RECK: variants seen among roughly 807,000 people sequenced by gnomAD.
RECK encodes the protein reversion inducing cysteine rich protein with kazal motifs.
RECK carries 69 observed loss-of-function variants against 115.1 expected under a neutral mutation model. The observed-to-expected ratio is 0.60, with a 90% CI of 0.49 to 0.73. The LOEUF (loss-of-function observed/expected upper bound fraction) is 0.73. RECK is among the 30% of genes least tolerant of loss of function. The pLI, the probability that RECK is intolerant of heterozygous loss-of-function variation, is 0.00. For missense variants in RECK, 1,047 were observed against 1,203.7 expected, an observed-to-expected ratio of 0.87 and a Z score of 1.93; for synonymous variants, 414 against 419.7, an observed-to-expected ratio of 0.99 and a Z score of 0.17.
rs1249820681 is a variant in RECK, at chr9:36,123,204, A to G, written c.*159A>G. On this transcript the variant is annotated 3_prime_UTR_variant, in exon 21 of 21. Coordinates refer to ENST00000377966, the MANE Select transcript of RECK (RefSeq NM_021111.3). ...TTTTTTTTAATCCGCCAATATTAGT[A>G]GGATTTTTGTTTTGTTTTTACAAAT... 6 of 566,980 alleles carry G rather than the reference A, an allele frequency of 1.1e-5. No homozygotes were observed. The highest frequency in any genetic ancestry group is 1.9e-5 in the Non-Finnish European group (6 of 323,630). The allele number at this position is 566,980 out of a possible 1,614,324, so 35.1% of individuals were successfully genotyped here.
intron 1 of RECK, among the ~76,000 whole-genome samples, chr9:36,050,118 A>G (rs545349425): frequency 1.3e-5 from 2 of 152,172 alleles, no homozygotes; most frequent in Non-Finnish European, 2.9e-5. Flanking sequence ...TCATCTACAT[A>G]GTGTGTCTCC....
rs572869066 is a variant in RECK, at chr9:36,106,234, A to G, written c.1576+951A>G. Among the ~76,000 whole-genome samples, 66 of 150,752 alleles carry G rather than the reference A, an allele frequency of 4.4e-4. 2 individuals are homozygous for G. The South Asian group carries it at 0.013, about 29-fold the overall frequency. ...CAAAAAAAAAAAAAAAAGATTAAAA[A>G]AAAACGTTTTTTTTTTTGAGACGGG... is the stretch of plus-strand genomic sequence containing the variant. On this transcript the variant is annotated intron_variant, in intron 13 of 20. Transcript: ENST00000377966.
chr9:36,054,196 G>C (rs891005879), intron 2 of RECK, among the ~76,000 whole-genome samples: 4 of 152,152 alleles, frequency 2.6e-5, no homozygotes, highest in African/African-American at 7.2e-5. Flanking sequence ...ATGCAGACAG[G>C]ATGGAGTCTT....
At position 36,092,346 on chromosome 9, in the gene RECK, G is replaced by C. The variant is rs555391618; in HGVS notation, c.1085+1003G>C. Among the ~76,000 whole-genome samples the C allele has an allele frequency of 2.0e-5, 3 of 152,004 alleles. No individual in the cohort carries two copies. In the South Asian group the frequency reaches 6.2e-4, roughly 32 times the overall value. ...AATTGTTTTGAAGGTATTGGAGACT[G>C]ATCAAAAGCAGGAGGGTCTACATCT... On this transcript the variant is annotated intron_variant, in intron 10 of 20. Coordinates refer to ENST00000377966, the MANE Select transcript of RECK (RefSeq NM_021111.3).
intron 7 of RECK, among the ~76,000 whole-genome samples, chr9:36,082,808 T>C (rs1822780628): frequency 6.6e-6 from 1 of 152,234 alleles, no homozygotes; most frequent in Non-Finnish European, 1.5e-5. Context: ...TATACAGTTA[T>C]ATAAATGTCA....
intron 8 of RECK, chr9:36,086,179 A>G (rs1322493664): frequency 6.6e-6 from 1 of 152,254 alleles, no homozygotes; most frequent in Non-Finnish European, 1.5e-5. Context: ...AGGCAGAGCC[A>G]AACTGATATC....
rs1471216106 is a variant in RECK, at chr9:36,094,264, G to A, written c.1085+2921G>A. 1.3e-5 allele frequency among the ~76,000 whole-genome samples: 2 copies of A among 151,606 alleles called. No homozygotes were observed. Among genetic ancestry groups the A allele is most frequent in the African/African-American group, 4.8e-5 (2 of 41,284 alleles). On this transcript the variant is annotated intron_variant, in intron 10 of 20. Coordinates refer to ENST00000377966, the MANE Select transcript of RECK (RefSeq NM_021111.3). The surrounding 1 kb of genome is among the most constrained non-coding windows in gnomAD (Gnocchi z 4.1). ...TGGTTAAAGCAAAAATAATAACAAT[G>A]TATTGTGGAATTTATACATAGAAGT...
At position 36,105,259 on chromosome 9, in the gene RECK, T is replaced by C. The variant is rs1439927180; in HGVS notation, c.1552T>C (p.Cys518Arg). The C allele has an allele frequency of 3.1e-6, 5 of 1,614,018 alleles. No individual in the cohort carries two copies. Among genetic ancestry groups the C allele is most frequent in the Non-Finnish European group, 4.2e-6 (5 of 1,179,992 alleles). ...AAAAGGATGTCCATCTGGAGATCCC[T>C]GTCTTCCATACTTTTGTGTTCAAGG... ...NRKGCPSGDP[C>R]LPYFCVQGCK... Residue 518 changes from cysteine to arginine, a missense_variant, in exon 13 of 21, where the codon TGT becomes CGT. Transcript: ENST00000377966.
intron 14 of RECK, among the ~76,000 whole-genome samples, chr9:36,109,330 C>A (rs559863242): frequency 6.6e-6 from 1 of 152,220 alleles, no homozygotes; most frequent in African/African-American, 2.4e-5. Context: ...GCATTCCTGC[C>A]AGGGCATCAG....
intron 2 of RECK, among the ~76,000 whole-genome samples, chr9:36,057,950 G>C (rs530094030): frequency 6.6e-6 from 1 of 151,806 alleles, no homozygotes; most frequent in Non-Finnish European, 1.5e-5. Context: ...AAACCACAAT[G>C]AGATACCATT....
intron 16 of RECK, among the ~76,000 whole-genome samples, chr9:36,116,231 C>T (rs913007989): frequency 1.3e-5 from 2 of 150,288 alleles, no homozygotes; most frequent in Non-Finnish European, 2.9e-5. Context: ...TGGGTTCAAG[C>T]GATTATCCTG....
At chr9:36,041,052 A>G (rs575551514) in intron 1 of RECK, among the ~76,000 whole-genome samples, 1 of 152,314 alleles carries the variant, frequency 6.6e-6, no homozygotes. Context: ...AACTATTAAT[A>G]CTGACAGACA....
rs140769943 is a variant in RECK at position 36,077,624 on chromosome 9, A to G, written c.406-2981A>G. Among the ~76,000 whole-genome samples, 97 of 152,312 alleles carry G rather than the reference A, an allele frequency of 6.4e-4. 1 individual carries two copies. The highest frequency in any genetic ancestry group is 1.1e-3 in the Non-Finnish European group (77 of 68,022). On this transcript the variant is annotated intron_variant, in intron 6 of 20. Coordinates refer to ENST00000377966, the MANE Select transcript of RECK (RefSeq NM_021111.3). ...ACTAAAGTGTTAGTGGTTAATGGTA[A>G]TTTTCACATGATGCTGCCATGTGAA...
intron 6 of RECK, among the ~76,000 whole-genome samples, chr9:36,067,395 G>C (rs549707486): frequency 6.6e-6 from 1 of 152,264 alleles, no homozygotes; most frequent in East Asian, 1.9e-4. Context: ...GTAGTTTTAT[G>C]TATAGTTTGA....
intron 1 of RECK, among the ~76,000 whole-genome samples, chr9:36,048,309 G>A (rs1821154588): frequency 6.6e-6 from 1 of 151,730 alleles, no homozygotes; most frequent in Non-Finnish European, 1.5e-5. Context: ...CTCTACAACA[G>A]TTACATGCCT....
chr9:36,101,626 T>C (rs1886336), intron 11 of RECK, among the ~76,000 whole-genome samples: 19,699 of 152,178 alleles, frequency 0.13, 2,037 homozygotes, highest in African/African-American at 0.28. Context: ...CAAATCCCTA[T>C]TGAAGACCAA....
chr9:36,089,612 C>T lies in RECK; in HGVS notation c.906-1552C>T, dbSNP rs117206658. 7.2e-3 allele frequency among the ~76,000 whole-genome samples: 1,098 copies of T among 152,192 alleles called. 50 individuals are homozygous for T. The East Asian group carries it at 0.13, about 18-fold the overall frequency. The stretch of plus-strand genomic sequence containing the variant: ...CTGACCTCATGTGATGGGTCACAGT[C>T]AAAATGCAGTCAAAACTTTGTATCA... On this transcript the variant is annotated intron_variant, in intron 9 of 20. Coordinates refer to ENST00000377966, the MANE Select transcript of RECK (RefSeq NM_021111.3).
chr9:36,070,501 T>C lies in RECK; in HGVS notation c.405+4877T>C, dbSNP rs143094901. 4.3e-4 allele frequency among the ~76,000 whole-genome samples: 64 copies of C among 149,976 alleles called. No homozygotes were observed. The East Asian group carries it at 0.01, about 25-fold the overall frequency. On this transcript the variant is annotated intron_variant, in intron 6 of 20. Coordinates refer to ENST00000377966, the MANE Select transcript of RECK (RefSeq NM_021111.3). The stretch of plus-strand genomic sequence containing the variant: ...TAGAATCTAATAGAATCTAAAATAA[T>C]CCATTCTTTTGAAAAAAAAAAAATA...
At chr9:36,037,160 A>T in intron 1 of RECK, 62 bp downstream of exon 1, 1 of 810,996 alleles carries the variant, frequency 1.2e-6, no homozygotes, top group Non-Finnish European at 1.5e-6. Flanking sequence ...GCGCTCCAAG[A>T]TGGCGCGGGG....
Sources: gnomAD v4.1 joint callset for allele counts (sites outside exome capture counted in the v4.1 genomes callset) on GRCh38, gnomAD v4.1.1 for gene constraint, Gnocchi (gnomAD v3.1) non-coding constraint, MANE v1.5 for transcripts, NCBI Gene and HGNC (gene_info 2026-07-23, HGNC 2026-07-21) for gene names.